PTPN4: variants seen among roughly 807,000 people sequenced by gnomAD.
PTPN4 encodes the protein tyrosine-protein phosphatase non-receptor type 4.
PTPN4 carries 49 observed loss-of-function variants against 135.5 expected under a neutral mutation model. The observed-to-expected ratio is 0.36, with a 90% CI of 0.29 to 0.46. PTPN4 has a LOEUF of 0.46. Among genes scored for constraint, PTPN4 ranks in the 20% least tolerant of loss-of-function variants. The probability of loss-of-function intolerance (pLI) is 1.00; values close to 1 mark genes in which losing one functional copy is unlikely to be tolerated. For synonymous variants in PTPN4, 333 were observed against 369.9 expected (o/e 0.90, Z 1.14); for missense variants, 860 against 1,101.0 (o/e 0.78, Z 3.10).
chr2:119,898,386 G>A (rs1263104262), intron 9 of PTPN4, among the ~76,000 whole-genome samples: 1 of 152,170 alleles, frequency 6.6e-6, no homozygotes, highest in East Asian at 1.9e-4. Context: ...CCTGGCTAGA[G>A]TAGAAGATTT....
At chr2:119,871,758 G>A (rs1179129235) in intron 3 of PTPN4, among the ~76,000 whole-genome samples, 2 of 152,088 alleles carry the variant, frequency 1.3e-5, no homozygotes, top group Non-Finnish European at 2.9e-5. Flanking sequence ...TGTTATTTTA[G>A]TAATAATTTT....
intron 2 of PTPN4, among the ~76,000 whole-genome samples, chr2:119,837,820 C>T (rs911991617): frequency 2.6e-5 from 4 of 152,234 alleles, no homozygotes; most frequent in Non-Finnish European, 5.9e-5. Flanking sequence ...GATTCAGGTG[C>T]CCGCATCGGA....
intron 1 of PTPN4, among the ~76,000 whole-genome samples, chr2:119,791,645 A>C (rs1398324503): frequency 6.6e-6 from 1 of 152,132 alleles, no homozygotes; most frequent in Admixed American, 6.5e-5. Context: ...TCTGGACTAG[A>C]TATTGCCTTG....
intron 2 of PTPN4, among the ~76,000 whole-genome samples, chr2:119,817,470 T>C (rs1023685747): frequency 1.3e-5 from 2 of 152,046 alleles, no homozygotes; most frequent in Non-Finnish European, 2.9e-5. Context: ...TTCTCAACAG[T>C]TGTAGGTGTG....
intron 1 of PTPN4, among the ~76,000 whole-genome samples, chr2:119,762,772 T>C (rs1351679265): frequency 3.3e-5 from 5 of 152,156 alleles, no homozygotes; most frequent in African/African-American, 1.2e-4. Context: ...ATATGAATTG[T>C]TGCTCCTATG....
intron 1 of PTPN4, among the ~76,000 whole-genome samples, chr2:119,762,650 C>A (rs1428295957): frequency 6.6e-6 from 1 of 151,992 alleles, no homozygotes; most frequent in Non-Finnish European, 1.5e-5. Context: ...TTTCCAGAAA[C>A]GTGGAAATCT....
chr2:119,833,681 AT>A (rs899640869), intron 2 of PTPN4, among the ~76,000 whole-genome samples: 23 of 148,638 alleles, frequency 1.5e-4, no homozygotes, highest in Non-Finnish European at 1.9e-4. Flanking sequence ...CCTCGGACTA[AT>A]TTTTTTTTTT....
intron 9 of PTPN4, among the ~76,000 whole-genome samples, chr2:119,894,982 T>C (rs1678298232): frequency 6.6e-6 from 1 of 152,206 alleles, no homozygotes; most frequent in Non-Finnish European, 1.5e-5. Context: ...CAAATATGAA[T>C]ATAATCTTTG....
At chr2:119,767,015 A>C (rs1690641615) in intron 1 of PTPN4, among the ~76,000 whole-genome samples, 1 of 152,246 alleles carries the variant, frequency 6.6e-6, no homozygotes, top group Admixed American at 6.5e-5. Context: ...AATAATTTCA[A>C]ACCTAATGAG....
At chr2:119,915,386 T>C in intron 11 of PTPN4, 144 bp downstream of exon 11, 2 of 554,656 alleles carry the variant, frequency 3.6e-6, no homozygotes, top group Non-Finnish European at 5.9e-6. Context: ...AATTCACTTG[T>C]TATAACAAAA....
intron 15 of PTPN4, among the ~76,000 whole-genome samples, chr2:119,939,699 C>G (rs2105043364): frequency 6.6e-6 from 1 of 152,196 alleles, no homozygotes; most frequent in African/African-American, 2.4e-5. Context: ...TTGTCTATAC[C>G]TCTTCAGTTC....
rs1030665676 is a variant in PTPN4, at chr2:119,972,154, A to C, written c.2694+4182A>C. ...TGCATTTTCATATGAATTTTGAATA[A>C]GTTTATTCTTTCTGAAAAAATAAAA... On this transcript the variant is annotated intron_variant, in intron 26 of 26. Coordinates refer to ENST00000263708, the MANE Select transcript of PTPN4 (RefSeq NM_002830.4). Among the ~76,000 whole-genome samples, 11 of 126,852 alleles carry C rather than the reference A, an allele frequency of 8.7e-5. No homozygotes were observed. In the East Asian group the frequency reaches 2.6e-3, roughly 30 times the overall value. The allele number at this position is 126,852 out of a possible 152,430, so 83.2% of individuals were successfully genotyped here.
intron 1 of PTPN4, among the ~76,000 whole-genome samples, chr2:119,782,276 G>C (rs1400349799): frequency 6.6e-6 from 1 of 152,006 alleles, no homozygotes; most frequent in Non-Finnish European, 1.5e-5. Flanking sequence ...AAAATTAGCC[G>C]GGTGTGGAGA....
At chr2:119,766,385 C>T (rs1423768283) in intron 1 of PTPN4, among the ~76,000 whole-genome samples, 1 of 152,032 alleles carries the variant, frequency 6.6e-6, no homozygotes, top group Non-Finnish European at 1.5e-5. Context: ...TCCTCTTTCT[C>T]TCTCTTTTTC....
chr2:119,858,480 T>C (rs1196688510), intron 2 of PTPN4, among the ~76,000 whole-genome samples: 1 of 152,232 alleles, frequency 6.6e-6, no homozygotes, highest in East Asian at 1.9e-4. Flanking sequence ...GTAAAAATTT[T>C]ATTTTACAAA....
rs538613507 is a variant in PTPN4 at position 119,908,572 on chromosome 2, G to A, written c.765-6607G>A. 3.6e-4 allele frequency among the ~76,000 whole-genome samples: 55 copies of A among 152,154 alleles called. 1 individual carries two copies. Among genetic ancestry groups the A allele is most frequent in the South Asian group, 2.3e-3 (11 of 4,816 alleles). On this transcript the variant is annotated intron_variant, in intron 10 of 26. Transcript: ENST00000263708. The stretch of plus-strand genomic sequence containing the variant: ...GTTCTTTCTGCCCCACTGACTGGCC[G>A]TTTCTGTCTCTCTTCCTCTCCTTGG...
chr2:119,768,563 C>T (rs1030965555), intron 1 of PTPN4, among the ~76,000 whole-genome samples: 11 of 152,188 alleles, frequency 7.2e-5, no homozygotes, highest in African/African-American at 4.8e-5. Flanking sequence ...TCTCAGGATT[C>T]GTCTAGCCTT....
rs547132287 is a variant in PTPN4, at chr2:119,782,414, G to A, written c.-18+22030G>A. Among the ~76,000 whole-genome samples, 31 of 151,992 alleles carry A rather than the reference G, an allele frequency of 2.0e-4. No individual in the cohort carries two copies. In the South Asian group the frequency reaches 3.3e-3, roughly 16 times the overall value. ...AGCCTGGGCGACAGAGCGAGACTCC[G>A]TCTAAAAAACGAAAAGAAAAAAAAA... On this transcript the variant is annotated intron_variant, in intron 1 of 26. Coordinates refer to ENST00000263708, the MANE Select transcript of PTPN4 (RefSeq NM_002830.4).
rs550906592 is a variant in PTPN4, at chr2:119,949,523, C to T, written c.1657-2450C>T. ...CTGTTTGATAATCTTAGCCAAAAGCCGTTGCTGCAACAAAACTCATTTTAA... is the reference window on the plus strand; with the variant it reads ...CTGTTTGATAATCTTAGCCAAAAGCTGTTGCTGCAACAAAACTCATTTTAA... On this transcript the variant is annotated intron_variant, in intron 18 of 26. Transcript: ENST00000263708. 9.1e-4 allele frequency among the ~76,000 whole-genome samples: 138 copies of T among 152,080 alleles called. 1 individual carries two copies. Among genetic ancestry groups the T allele is most frequent in the African/African-American group, 3.0e-3 (123 of 41,474 alleles).
Sources: gnomAD v4.1 joint callset for allele counts (sites outside exome capture counted in the v4.1 genomes callset) on GRCh38, gnomAD v4.1.1 for gene constraint, MANE v1.5 for transcripts, NCBI Gene and HGNC (gene_info 2026-07-23, HGNC 2026-07-21) for gene names.